MZT2A: variants seen among roughly 807,000 people sequenced by gnomAD.
The protein encoded by MZT2A is mitotic-spindle organizing protein 2A.
Under a neutral mutation model 12.4 loss-of-function variants are expected in MZT2A, and 8 were observed. That is an observed-to-expected ratio of 0.64 (90% CI 0.38 to 1.16). The LOEUF (loss-of-function observed/expected upper bound fraction) is 1.16. MZT2A is among the 50% of genes most tolerant of loss of function. MZT2A has a pLI of 0.01. For missense variants in MZT2A, 181 were observed against 223.6 expected, an observed-to-expected ratio of 0.81 and a Z score of 1.22; for synonymous variants, 88 against 107.5, an observed-to-expected ratio of 0.82 and a Z score of 1.12.
downstream of MZT2A, chr2:131,482,693 G>A (rs750123712): frequency 1.4e-5 from 22 of 1,614,194 alleles, no homozygotes; most frequent in Non-Finnish European, 1.7e-5. Flanking sequence ...TCTCATGTAT[G>A]CCAAGCGGGC....
chr2:131,493,136 C>T (rs1679419637), upstream of MZT2A: 1 of 1,468,312 alleles, frequency 6.8e-7, no homozygotes, highest in East Asian at 2.5e-5. Flanking sequence ...CTATGGGTCC[C>T]ACAGGTGAGT....
At chr2:131,487,230 A>C (rs978545304) in intron 2 of MZT2A, among the ~76,000 whole-genome samples, 5 of 152,268 alleles carry the variant, frequency 3.3e-5, no homozygotes, top group Admixed American at 6.5e-5. Context: ...CTGTAATTCC[A>C]GTGCTTTGGG....
At position 131,490,900 on chromosome 2, in the gene MZT2A, T is replaced by C. The variant is rs539399824; in HGVS notation, c.319+976A>G. 9.0e-4 allele frequency: 1,395 copies of C among 1,549,330 alleles called. 2 individuals are homozygous for C. Among genetic ancestry groups the C allele is most frequent in the Non-Finnish European group, 1.2e-3 (1,335 of 1,146,250 alleles). ...CAGAGAGAAAGGAGGCCTCTGGAGGTCAGAGAGAGACACAAAGAGAGCAGA... is the reference window on the plus strand; with the variant it reads ...CAGAGAGAAAGGAGGCCTCTGGAGGCCAGAGAGAGACACAAAGAGAGCAGA... On this transcript the variant is annotated intron_variant, in intron 2 of 2. Coordinates refer to ENST00000309451, the MANE Select transcript of MZT2A (RefSeq NM_001085365.2).
upstream of MZT2A, chr2:131,492,711 A>G (rs1679392754): frequency 2.4e-6 from 3 of 1,236,330 alleles, no homozygotes; most frequent in Non-Finnish European, 3.1e-6. Flanking sequence ...TTGGGCGCTC[A>G]GTCAATACCT....
At chr2:131,492,611 C>T (rs1230607164), upstream of MZT2A, 23 of 1,216,094 alleles carry the variant, frequency 1.9e-5, no homozygotes, top group Admixed American at 4.2e-5. Context: ...ACTGCAGGGG[C>T]CAGCTGCTTG....
chr2:131,478,722 C>T (rs1285809595), intron 2 of MZT2A: 4 of 416,982 alleles, frequency 9.6e-6, no homozygotes, highest in Admixed American at 4.1e-5. Context: ...TGTGCATTCT[C>T]TTATGCTGGT....
upstream of MZT2A, chr2:131,493,113 G>C: frequency 6.0e-6 from 9 of 1,489,700 alleles, no homozygotes; most frequent in Non-Finnish European, 8.1e-6. Flanking sequence ...TTCCACCTCT[G>C]AAGCGGGCGA....
At chr2:131,480,502 C>T (rs1450361745), downstream of MZT2A, 2 of 1,591,494 alleles carry the variant, frequency 1.3e-6, no homozygotes, top group Non-Finnish European at 1.7e-6. Context: ...TTCCCCCTGG[C>T]CACCTATGCC....
At chr2:131,482,414 A>C (rs569561891), downstream of MZT2A, 11 of 1,339,412 alleles carry the variant, frequency 8.2e-6, no homozygotes, top group Admixed American at 2.0e-4. Flanking sequence ...GGTGCAGAGA[A>C]GGGCTTAGTG....
intron 2 of MZT2A, among the ~76,000 whole-genome samples, chr2:131,484,883 G>A (rs2104732462): frequency 1.3e-5 from 2 of 152,342 alleles, no homozygotes; most frequent in Non-Finnish European, 2.9e-5. Flanking sequence ...TCTCTCGGAT[G>A]AAGACCACAG....
intron 2 of MZT2A, chr2:131,491,038 C>G (rs1285968289): frequency 7.8e-6 from 10 of 1,282,346 alleles, no homozygotes; most frequent in Non-Finnish European, 1.1e-5. Context: ...CTGCTTTCCA[C>G]GCCTTCTCAT....
Position 131,484,232 on chromosome 2 carries a change from A to G in MZT2A, c.320-14T>C. The G allele has an allele frequency of 6.2e-7, 1 of 1,612,160 alleles. No homozygotes were observed. Among genetic ancestry groups the G allele is most frequent in the Non-Finnish European group, 8.5e-7 (1 of 1,178,528 alleles). On this transcript the variant is annotated splice_polypyrimidine_tract_variant and intron_variant, in intron 2 of 2. Coordinates refer to ENST00000309451, the MANE Select transcript of MZT2A (RefSeq NM_001085365.2). ...CTTTGTCTCTCCCTAAGGAGACACA[A>G]AGCACAATGATTAGGAATGGACGCG... is the stretch of plus-strand genomic sequence containing the variant.
At chr2:131,489,756 ACCTGCCTTGACTT>A in intron 2 of MZT2A, 4 of 582,254 alleles carry the variant, frequency 6.9e-6, no homozygotes, top group Non-Finnish European at 6.5e-6. Flanking sequence ...CAAGGAATCC[ACCTGCCTTGACTT>A]CCCGAAGTGC....
downstream of MZT2A, among the ~76,000 whole-genome samples, chr2:131,483,694 A>G (rs780001492): frequency 2.6e-5 from 4 of 151,940 alleles, no homozygotes; most frequent in Non-Finnish European, 4.4e-5. Context: ...CAGCTTGGGT[A>G]ACAGAGCAAG....
chr2:131,493,141 G>A, upstream of MZT2A: 1 of 1,458,006 alleles, frequency 6.9e-7, no homozygotes, highest in Non-Finnish European at 9.0e-7. Context: ...GGTCCCACAG[G>A]TGAGTGGCGC....
intron 2 of MZT2A, chr2:131,491,187 G>C (rs896228905): frequency 2.1e-6 from 1 of 487,232 alleles, no homozygotes; most frequent in Non-Finnish European, 3.8e-6. Flanking sequence ...GAGCAGGGAC[G>C]GAGGCTCCAC....
At chr2:131,479,561 C>G (rs1385150855), downstream of MZT2A, 1 of 1,555,812 alleles carries the variant, frequency 6.4e-7, no homozygotes, top group Non-Finnish European at 8.7e-7. Flanking sequence ...GCATCTTGGC[C>G]GGGCGCGGTG....
At chr2:131,487,167 T>C (rs563816672) in intron 2 of MZT2A, among the ~76,000 whole-genome samples, 21 of 152,266 alleles carry the variant, frequency 1.4e-4, no homozygotes, top group African/African-American at 4.8e-4. Context: ...AAACAGTCAA[T>C]GACCACTGAA....
chr2:131,480,825 C>G, downstream of MZT2A: 1 of 1,553,432 alleles, frequency 6.4e-7, no homozygotes, highest in Non-Finnish European at 8.7e-7. Flanking sequence ...AGGCCCACAT[C>G]CTTTGGGGAG....
Sources: gnomAD v4.1 joint callset for allele counts (sites outside exome capture counted in the v4.1 genomes callset) on GRCh38, gnomAD v4.1.1 for gene constraint, MANE v1.5 for transcripts, NCBI Gene and HGNC (gene_info 2026-07-23, HGNC 2026-07-21) for gene names.